Variants in ARFGEF3 observed in about 807,000 individuals in gnomAD.
ARFGEF3 encodes the protein ARFGEF family member 3, also known as brefeldin A-inhibited guanine nucleotide-exchange protein 3.
A neutral mutation model predicts 221.7 loss-of-function variants in ARFGEF3; 96 were observed. That is an observed-to-expected ratio of 0.43 (90% confidence interval 0.37 to 0.51). The LOEUF is 0.51. Ranked by LOEUF, ARFGEF3 falls within the 20% of genes least tolerant of loss-of-function variation. The pLI is 0.00. For missense variants in ARFGEF3, 2,410 were observed against 2,789.9 expected (o/e 0.86, Z 3.07); for synonymous variants, 1,145 against 1,126.8 (o/e 1.02, Z -0.32).
intron 2 of ARFGEF3, among the ~76,000 whole-genome samples, chr6:138,189,827 C>T (rs572530572): frequency 6.6e-6 from 1 of 152,276 alleles, no homozygotes; most frequent in South Asian, 2.1e-4. Flanking sequence ...TGCCTGTAAT[C>T]TCAGCACTTT....
intron 10 of ARFGEF3, among the ~76,000 whole-genome samples, chr6:138,257,830 G>A (rs778842184): frequency 1.3e-5 from 2 of 152,116 alleles, no homozygotes; most frequent in Non-Finnish European, 2.9e-5. Flanking sequence ...TTTCTCATCT[G>A]TACATTGTTA....
intron 4 of ARFGEF3, chr6:138,218,388 G>C (rs754390771): frequency 6.5e-7 from 1 of 1,536,526 alleles, no homozygotes; most frequent in Non-Finnish European, 8.8e-7. Context: ...CCTTAAGAAG[G>C]CCCTCATATT....
chr6:138,306,115 G>A (rs759882018), intron 22 of ARFGEF3, among the ~76,000 whole-genome samples: 3 of 151,958 alleles, frequency 2.0e-5, no homozygotes, highest in Admixed American at 6.6e-5. Flanking sequence ...AATTCTAGTC[G>A]AGCAAGGTCA....
rs1776620001 is a variant in ARFGEF3, at chr6:138,161,960, C to T, written c.-127C>T. ...GGGCGTGATTCATCAGCATCCGCGC[C>T]GGGGCGGCATGGGGGCGCGCGCGGC... On this transcript the variant is annotated 5_prime_UTR_variant, in exon 1 of 34. Coordinates refer to ENST00000251691, the MANE Select transcript of ARFGEF3 (RefSeq NM_020340.5). The T allele has an allele frequency of 2.9e-5, 9 of 309,608 alleles. No individual in the cohort carries two copies. The South Asian group carries it at 1.1e-3, about 36-fold the overall frequency. 19.2% of individuals were successfully genotyped at this position (309,608 alleles called of 1,614,324 possible). A position where few individuals can be genotyped will look rare whatever the true frequency, so the allele number is the denominator to read the frequency against.
intron 1 of ARFGEF3, among the ~76,000 whole-genome samples, chr6:138,165,847 C>T (rs967467684): frequency 6.6e-6 from 1 of 152,218 alleles, no homozygotes; most frequent in African/African-American, 2.4e-5. Flanking sequence ...ATATTTAGAC[C>T]ATATCAAGAA....
rs1045695111 is a variant in ARFGEF3 at position 138,337,160 on chromosome 6, A to G, written c.*674A>G. ...TTATTTCTGTATTTCTAAAAGAAGAAAGTTCTTTCCTAGCAGGGTTTGAAG... is the reference window on the plus strand; with the variant it reads ...TTATTTCTGTATTTCTAAAAGAAGAGAGTTCTTTCCTAGCAGGGTTTGAAG... On this transcript the variant is annotated 3_prime_UTR_variant, in exon 34 of 34. Transcript: ENST00000251691. The G allele has an allele frequency of 1.3e-5, 2 of 152,676 alleles. No homozygotes were observed. Among genetic ancestry groups the G allele is most frequent in the Non-Finnish European group, 2.9e-5 (2 of 68,040 alleles). The allele number at this position is 152,676 out of a possible 1,614,324, so 9.5% of individuals were successfully genotyped here.
At chr6:138,325,259 A>G (rs1780107367) in intron 31 of ARFGEF3, among the ~76,000 whole-genome samples, 1 of 152,234 alleles carries the variant, frequency 6.6e-6, no homozygotes, top group South Asian at 2.1e-4. Flanking sequence ...AAAATTTTCT[A>G]TTAGCACACT....
intron 2 of ARFGEF3, among the ~76,000 whole-genome samples, chr6:138,175,011 T>A (rs1776911495): frequency 6.6e-6 from 1 of 152,190 alleles, no homozygotes; most frequent in Non-Finnish European, 1.5e-5. Flanking sequence ...GGTGACTGGA[T>A]TCAGTTATGC....
chr6:138,296,379 C>T (rs1227571580), intron 20 of ARFGEF3, among the ~76,000 whole-genome samples: 4 of 152,166 alleles, frequency 2.6e-5, no homozygotes, highest in Admixed American at 6.5e-5. Context: ...CGTATTATCA[C>T]GTTTAATCTT....
At chr6:138,261,160 C>G (rs1167571115) in intron 10 of ARFGEF3, among the ~76,000 whole-genome samples, 1 of 152,018 alleles carries the variant, frequency 6.6e-6, no homozygotes, top group Non-Finnish European at 1.5e-5. Context: ...TGAAGCTAGC[C>G]GACTTGATAC....
Position 138,218,150 on chromosome 6 carries a change from T to C in ARFGEF3, c.351+8109T>C, listed in dbSNP as rs749512320. ...TCATGGTCAAGTGTGTCTGCAAGGG[T>C]GTGAGAATTGCATGGTGTGACTGTT... On this transcript the variant is annotated intron_variant, in intron 4 of 33. Transcript: ENST00000251691. 1.2e-5 allele frequency: 19 copies of C among 1,613,792 alleles called. No homozygotes were observed. In the African/African-American group the frequency reaches 2.4e-4, roughly 20 times the overall value.
chr6:138,165,877 C>G (rs1399735075), intron 1 of ARFGEF3, among the ~76,000 whole-genome samples: 1 of 152,256 alleles, frequency 6.6e-6, no homozygotes, highest in African/African-American at 2.4e-5. Context: ...TCTCCAGTCA[C>G]TCCTGCCTGA....
rs536974563 is a variant in ARFGEF3 at position 138,174,021 on chromosome 6, G to C, written c.137+3308G>C. On this transcript the variant is annotated intron_variant, in intron 2 of 33. Coordinates refer to ENST00000251691, the MANE Select transcript of ARFGEF3 (RefSeq NM_020340.5). ...TCTTGTACAGAGAATTGAACCATAT[G>C]AATGAGACACAGCAGATGTGAGCCT... Among the ~76,000 whole-genome samples, 141 of 152,268 alleles carry C rather than the reference G, an allele frequency of 9.3e-4. 1 individual carries two copies. Among genetic ancestry groups the C allele is most frequent in the African/African-American group, 3.0e-3 (123 of 41,548 alleles).
Position 138,336,342 on chromosome 6 carries a change from C to G in ARFGEF3, c.6390C>G (p.Leu2130=). The G allele has an allele frequency of 1.2e-6, 2 of 1,609,442 alleles. No individual in the cohort carries two copies. Among genetic ancestry groups the G allele is most frequent in the Non-Finnish European group, 1.7e-6 (2 of 1,178,044 alleles). The stretch of plus-strand genomic sequence containing the variant: ...CAGTTCTCAATCAGATTCAGATTCT[C>G]CCAGACCAGACCTTCACGGCCCTCC... ...VLTVLNQIQI[L]PDQTFTALQP... The change falls in exon 34 of 34, where the codon CTC becomes CTG. Residue 2130 remains leucine (L), a synonymous_variant. Transcript: ENST00000251691.
intron 26 of ARFGEF3, among the ~76,000 whole-genome samples, chr6:138,314,724 A>G (rs1779889703): frequency 6.6e-6 from 1 of 152,272 alleles, no homozygotes. Context: ...GGTGAGCCCA[A>G]AAACACAGCA....
intron 8 of ARFGEF3, among the ~76,000 whole-genome samples, chr6:138,249,390 C>T (rs1040812248): frequency 5.9e-5 from 9 of 152,166 alleles, no homozygotes; most frequent in African/African-American, 1.4e-4. Flanking sequence ...AGTGCAGAGG[C>T]GTGATCTGGG....
Position 138,162,302 on chromosome 6 carries a change from G to C in ARFGEF3, c.85+131G>C, listed in dbSNP as rs533768308. The C allele has an allele frequency of 9.6e-5, 55 of 575,888 alleles. No homozygotes were observed. Among genetic ancestry groups the C allele is most frequent in the Middle Eastern group, 1.0e-3 (2 of 1,962 alleles). The allele number at this position is 575,888 out of a possible 1,614,324, so 35.7% of individuals were successfully genotyped here. ...TTCTGGCGATTGCGAGAGTCGCCTC[G>C]GGAAATTGATGTGGGATTTGAGAGT... On this transcript the variant is annotated intron_variant, in intron 1 of 33. Coordinates refer to ENST00000251691, the MANE Select transcript of ARFGEF3 (RefSeq NM_020340.5). This position sits in a 1 kb window ranked among gnomAD's most constrained non-coding sequence, Gnocchi z 4.7.
intron 4 of ARFGEF3, among the ~76,000 whole-genome samples, chr6:138,211,848 C>A (rs1777733672): frequency 6.6e-6 from 1 of 152,150 alleles, no homozygotes; most frequent in Non-Finnish European, 1.5e-5. Flanking sequence ...GCTAGCCTTG[C>A]CGAAGATAGG....
At chr6:138,232,397 C>T (rs1267859748) in intron 5 of ARFGEF3, among the ~76,000 whole-genome samples, 1 of 152,078 alleles carries the variant, frequency 6.6e-6, no homozygotes, top group Non-Finnish European at 1.5e-5. Flanking sequence ...CCCAGCTACT[C>T]GGGAGGCTGA....
Sources: gnomAD v4.1 joint callset for allele counts (sites outside exome capture counted in the v4.1 genomes callset) on GRCh38, gnomAD v4.1.1 for gene constraint, Gnocchi (gnomAD v3.1) non-coding constraint, MANE v1.5 for transcripts, NCBI Gene and HGNC (gene_info 2026-07-23, HGNC 2026-07-21) for gene names.